The following SEMA5A variants were observed in gnomAD, a reference collection of about 807,000 sequenced individuals.
SEMA5A encodes semaphorin 5A.
In SEMA5A, 55 loss-of-function variants were observed where a neutral mutation model predicts 135.5. The observed-to-expected ratio is 0.41, with a 90% CI of 0.33 to 0.51. SEMA5A has a LOEUF of 0.51. SEMA5A is among the 20% of genes least tolerant of loss of function. SEMA5A has a pLI of 0.37. For synonymous variants in SEMA5A, 580 were observed against 546.5 expected (o/e 1.06, Z -0.85); for missense variants, 1,290 against 1,419.9 (o/e 0.91, Z 1.47).
intron 4 of SEMA5A, among the ~76,000 whole-genome samples, chr5:9,321,053 G>A (rs1040361204): frequency 2.0e-5 from 3 of 152,142 alleles, no homozygotes; most frequent in Admixed American, 6.5e-5. Flanking sequence ...TCATGGGGGC[G>A]GGTTACTTCA....
At chr5:9,208,613 C>T (rs1346156524) in intron 8 of SEMA5A, among the ~76,000 whole-genome samples, 1 of 152,090 alleles carries the variant, frequency 6.6e-6, no homozygotes, top group Non-Finnish European at 1.5e-5. Context: ...GGGAAGAGAA[C>T]ATCCCTGCCA....
At chr5:9,198,742 C>G (rs1745549581) in intron 9 of SEMA5A, among the ~76,000 whole-genome samples, 1 of 152,172 alleles carries the variant, frequency 6.6e-6, no homozygotes, top group East Asian at 1.9e-4. Flanking sequence ...GAAGTTAAAA[C>G]ACAAGTACAG....
chr5:9,066,616 G>A lies in SEMA5A; in HGVS notation c.2104C>T (p.Pro702Ser), dbSNP rs1175107971. Residue 702 changes from proline (P) to serine (S), a missense_variant, in exon 17 of 23, where the codon CCT (proline) becomes TCT (serine). Coordinates refer to ENST00000382496, the MANE Select transcript of SEMA5A (RefSeq NM_003966.3). ...CAGGGCGTGGTCTTCTTCAGCTCAG[G>A]ACACGGGTTGGTGTTGCAAGACTGG... is the stretch of plus-strand genomic sequence containing the variant. Reference protein sequence around the residue: ...EYQSCNTNPCPELKKTTPWTP... With the variant: ...EYQSCNTNPCSELKKTTPWTP... The A allele has an allele frequency of 6.2e-7, 1 of 1,614,098 alleles. No individual in the cohort carries two copies. Among genetic ancestry groups the A allele is most frequent in the Admixed American group, 1.7e-5 (1 of 60,010 alleles).
intron 1 of SEMA5A, among the ~76,000 whole-genome samples, chr5:9,474,163 A>G (rs1561282043): frequency 1.3e-5 from 2 of 152,150 alleles, no homozygotes; most frequent in African/African-American, 4.8e-5. Flanking sequence ...CAAGGTGAAG[A>G]ATTCCGTCCG....
chr5:9,165,115 G>T (rs1411530438), intron 11 of SEMA5A, among the ~76,000 whole-genome samples: 5 of 152,050 alleles, frequency 3.3e-5, no homozygotes, highest in South Asian at 4.2e-4. Flanking sequence ...AGACACCTGG[G>T]AACACTGAGC....
At position 9,372,349 on chromosome 5, in the gene SEMA5A, C is replaced by T. The variant is rs185246977; in HGVS notation, c.124+7474G>A. Among the ~76,000 whole-genome samples the T allele has an allele frequency of 3.7e-4, 56 of 151,980 alleles. No homozygotes were observed. In the East Asian group the frequency reaches 5.1e-3, roughly 14 times the overall value. The stretch of plus-strand genomic sequence containing the variant: ...GAGACACGCATGGAGCCATGGGACA[C>T]GCATGGAACTGTGGGACACGCGTGG... On this transcript the variant is annotated intron_variant, in intron 3 of 22. Transcript: ENST00000382496.
intron 5 of SEMA5A, among the ~76,000 whole-genome samples, chr5:9,256,966 C>T (rs970745895): frequency 2.6e-5 from 4 of 152,168 alleles, no homozygotes; most frequent in Non-Finnish European, 5.9e-5. Context: ...TAATCTCTGA[C>T]CTTCTTGGTT....
intron 13 of SEMA5A, among the ~76,000 whole-genome samples, chr5:9,127,140 A>G (rs1345440776): frequency 2.6e-5 from 4 of 152,232 alleles, no homozygotes; most frequent in Admixed American, 1.3e-4. Flanking sequence ...ACAAAATTAC[A>G]TAAAACAGGT....
chr5:9,329,954 T>C (rs1439875147), intron 4 of SEMA5A, among the ~76,000 whole-genome samples: 1 of 152,216 alleles, frequency 6.6e-6, no homozygotes, highest in Non-Finnish European at 1.5e-5. Flanking sequence ...GCCATATTGT[T>C]TTTATTGGTA....
rs528270283 is a variant in SEMA5A at position 9,118,934 on chromosome 5, T to A, written c.1925+64A>T. Reference sequence around the variant, plus strand: ...ATCCAAAACTAAAACCGCGGGGAACTCGACCTGGCCGGAATGAGAGTAAGC... The same window carrying A: ...ATCCAAAACTAAAACCGCGGGGAACACGACCTGGCCGGAATGAGAGTAAGC... On this transcript the variant is annotated intron_variant, in intron 15 of 22. Transcript: ENST00000382496. 3.7e-4 allele frequency: 590 copies of A among 1,574,956 alleles called. 4 individuals carry two copies. The African/African-American group carries it at 7.0e-3, about 19-fold the overall frequency.
chr5:9,065,149 CT>C (rs1277925418), intron 17 of SEMA5A, among the ~76,000 whole-genome samples: 1 of 152,190 alleles, frequency 6.6e-6, no homozygotes, highest in East Asian at 1.9e-4. Flanking sequence ...AATCACTGAA[CT>C]ACAGTGAGCA....
In SEMA5A at chr5:9,337,781, C is replaced by T. The variant is rs1394657038; in HGVS notation, c.156G>A (p.Ala52=). ...ACTGCGAGAAATCCACAGCATTCTT[C>T]GCTCTGAACTCCCGTAACCAGGGGC... The part of the protein sequence containing the change: ...EIGPWLREFR[A]KNAVDFSQLT... Residue 52 remains alanine, a synonymous_variant, in exon 4 of 23, where the codon GCG becomes GCA. Transcript: ENST00000382496. The T allele has an allele frequency of 8.7e-6, 14 of 1,610,874 alleles. No individual in the cohort carries two copies. The highest frequency in any genetic ancestry group is 2.2e-5 in the South Asian group (2 of 90,642).
intron 10 of SEMA5A, among the ~76,000 whole-genome samples, chr5:9,191,190 G>T (rs535084870): frequency 6.6e-6 from 1 of 152,270 alleles, no homozygotes; most frequent in African/African-American, 2.4e-5. Context: ...AATAAAGAAG[G>T]AAGAAGGAAG....
chr5:9,452,469 G>A (rs1273876314), intron 1 of SEMA5A, among the ~76,000 whole-genome samples: 1 of 152,118 alleles, frequency 6.6e-6, no homozygotes, highest in East Asian at 1.9e-4. Context: ...CACTCTCTCA[G>A]GCAAGATGCA....
At chr5:9,414,293 C>G (rs1458107365) in intron 2 of SEMA5A, among the ~76,000 whole-genome samples, 1 of 152,196 alleles carries the variant, frequency 6.6e-6, no homozygotes, top group African/African-American at 2.4e-5. Flanking sequence ...CATTTAAGAT[C>G]TAGCGATTCA....
intron 2 of SEMA5A, among the ~76,000 whole-genome samples, chr5:9,427,183 C>T (rs1432864503): frequency 4.0e-5 from 6 of 151,872 alleles, no homozygotes; most frequent in Non-Finnish European, 8.8e-5. Flanking sequence ...TGGTGGCAGG[C>T]GCCTGTAATC....
chr5:9,134,927 G>T (rs1375868622), intron 13 of SEMA5A, among the ~76,000 whole-genome samples: 1 of 152,100 alleles, frequency 6.6e-6, no homozygotes, highest in East Asian at 1.9e-4. Context: ...AACAAACAAT[G>T]ACATTTTTCT....
chr5:9,066,859 GTC>G (rs1166028803), intron 16 of SEMA5A, among the ~76,000 whole-genome samples: 1 of 152,090 alleles, frequency 6.6e-6, no homozygotes, highest in Non-Finnish European at 1.5e-5. Flanking sequence ...AATCCCCACA[GTC>G]TCTCCTGTGT....
intron 1 of SEMA5A, among the ~76,000 whole-genome samples, chr5:9,444,647 A>G (rs1394056077): frequency 6.6e-6 from 1 of 152,184 alleles, no homozygotes; most frequent in Non-Finnish European, 1.5e-5. Context: ...GATCCTATAA[A>G]CATGCATGTG....
Sources: allele counts gnomAD v4.1 joint callset (sites outside exome capture counted in the v4.1 genomes callset), GRCh38; gene constraint gnomAD v4.1.1; transcripts MANE v1.5; gene names NCBI Gene and HGNC (gene_info 2026-07-23, HGNC 2026-07-21).